The following SGCD variants were observed in gnomAD, a reference collection of about 807,000 sequenced individuals.
The protein encoded by SGCD is sarcoglycan delta, also known as delta-sarcoglycan.
Under a neutral mutation model 36.6 loss-of-function variants are expected in SGCD, and 18 were observed. The observed-to-expected ratio is 0.49, with a 90% CI of 0.34 to 0.73. The LOEUF is 0.73. Among genes scored for constraint, SGCD ranks in the 30% least tolerant of loss-of-function variants. SGCD has a pLI of 0.01. For synonymous variants in SGCD, 133 were observed against 130.6 expected, an observed-to-expected ratio of 1.02 and a Z score of -0.12; for missense variants, 387 against 346.7, an observed-to-expected ratio of 1.12 and a Z score of -0.92.
At chr5:156,570,767 T>C (rs1036935106) in intron 4 of SGCD, among the ~76,000 whole-genome samples, 3 of 152,176 alleles carry the variant, frequency 2.0e-5, no homozygotes, top group Admixed American at 1.3e-4. Context: ...ATAGTATCCA[T>C]GAGTTATCTT....
chr5:156,362,710 T>C (rs945864978), intron 3 of SGCD, among the ~76,000 whole-genome samples: 1 of 152,132 alleles, frequency 6.6e-6, no homozygotes, highest in Non-Finnish European at 1.5e-5. Context: ...GTGGCTAGTC[T>C]CTGGGATGGA....
chr5:156,174,622 T>C (rs1010512106), intron 3 of SGCD, among the ~76,000 whole-genome samples: 3 of 152,190 alleles, frequency 2.0e-5, no homozygotes, highest in African/African-American at 7.2e-5. Context: ...CAAGAATTAT[T>C]TTCTATTAAT....
At chr5:156,071,196 T>G (rs910541330) in intron 1 of SGCD, among the ~76,000 whole-genome samples, 17 of 152,220 alleles carry the variant, frequency 1.1e-4, no homozygotes, top group Non-Finnish European at 2.1e-4. Context: ...TTGCTCTTGC[T>G]TTTCTAGTTC....
chr5:156,424,261 C>G (rs749180119), intron 3 of SGCD, among the ~76,000 whole-genome samples: 6 of 151,928 alleles, frequency 3.9e-5, no homozygotes, highest in Non-Finnish European at 7.4e-5. Flanking sequence ...TCTTCTTACT[C>G]TTTTTACTCT....
the SGCD span, among the ~76,000 whole-genome samples, chr5:155,750,700 G>GT: frequency 6.6e-6 from 1 of 152,186 alleles, no homozygotes; most frequent in East Asian, 1.9e-4. Context: ...TGTTTGAGCA[G>GT]TTAGGGATCT....
chr5:156,525,200 AG>A (rs1337908389), intron 4 of SGCD, among the ~76,000 whole-genome samples: 2 of 152,070 alleles, frequency 1.3e-5, no homozygotes, highest in East Asian at 1.9e-4. Flanking sequence ...CAATACAAAA[AG>A]GTCCTCTTTT....
At chr5:156,713,903 A>G (rs1755109502) in intron 7 of SGCD, among the ~76,000 whole-genome samples, 1 of 152,204 alleles carries the variant, frequency 6.6e-6, no homozygotes, top group Admixed American at 6.5e-5. Context: ...CAATCCAGTG[A>G]TTTCACCAGC....
the SGCD span, among the ~76,000 whole-genome samples, chr5:155,734,172 TTAA>T: frequency 2.2e-4 from 33 of 147,816 alleles, no homozygotes; most frequent in Admixed American, 7.5e-4. Flanking sequence ...ATTATATTAA[TTAA>T]TAATATTACT....
intron 1 of SGCD, among the ~76,000 whole-genome samples, chr5:155,963,721 C>A (rs1757839474): frequency 6.6e-6 from 1 of 152,040 alleles, no homozygotes; most frequent in Non-Finnish European, 1.5e-5. Flanking sequence ...CTTCAAAGAA[C>A]CCCAGTCTTC....
the SGCD span, among the ~76,000 whole-genome samples, chr5:155,731,834 A>T: frequency 5.9e-5 from 9 of 152,134 alleles, no homozygotes; most frequent in African/African-American, 2.2e-4. Flanking sequence ...TGAGTGCCCC[A>T]GTTGGTTCTA....
At chr5:156,555,435 T>C (rs1196751780) in intron 4 of SGCD, among the ~76,000 whole-genome samples, 2 of 152,168 alleles carry the variant, frequency 1.3e-5, no homozygotes, top group East Asian at 1.9e-4. Flanking sequence ...TTCTTTTACA[T>C]ATAGCTATTC....
At chr5:156,550,589 C>T (rs903691970) in intron 4 of SGCD, among the ~76,000 whole-genome samples, 12 of 152,160 alleles carry the variant, frequency 7.9e-5, no homozygotes, top group African/African-American at 2.2e-4. Context: ...CTGAAGTCAG[C>T]GAAGGGAGGT....
At chr5:155,944,743 G>C (rs6870438) in intron 1 of SGCD, among the ~76,000 whole-genome samples, 4,532 of 152,230 alleles carry the variant, frequency 0.03, 243 homozygotes, top group African/African-American at 0.1. Context: ...GACAAAAAAT[G>C]TGGTAAGTTT....
chr5:156,199,472 C>G (rs1051422923), intron 3 of SGCD, among the ~76,000 whole-genome samples: 12 of 152,110 alleles, frequency 7.9e-5, no homozygotes, highest in Non-Finnish European at 1.8e-4. Context: ...ACTTAAAAGG[C>G]AGGTTGCTGT....
intron 7 of SGCD, among the ~76,000 whole-genome samples, chr5:156,724,428 C>A (rs1755668221): frequency 6.6e-6 from 1 of 152,042 alleles, no homozygotes. Flanking sequence ...CACGGTGAAA[C>A]CCCGCCTCTA....
intron 4 of SGCD, among the ~76,000 whole-genome samples, chr5:156,558,124 T>TATATATATATATATATATA (rs56288003): frequency 2.3e-4 from 28 of 123,586 alleles, no homozygotes; most frequent in Non-Finnish European, 3.1e-4. Context: ...TATATATATA[T>TATATATATATATATATATA]TATTTAACTC....
At chr5:156,027,378 G>A (rs1759245670) in intron 1 of SGCD, among the ~76,000 whole-genome samples, 1 of 152,162 alleles carries the variant, frequency 6.6e-6, no homozygotes, top group Admixed American at 6.5e-5. Context: ...AATTGGAAGG[G>A]ATTTCTGAGG....
At chr5:156,530,295 G>A (rs1247233743) in intron 4 of SGCD, among the ~76,000 whole-genome samples, 1 of 152,136 alleles carries the variant, frequency 6.6e-6, no homozygotes, top group African/African-American at 2.4e-5. Flanking sequence ...AATAAGAGAG[G>A]AATATTTATG....
the SGCD span, among the ~76,000 whole-genome samples, chr5:155,760,082 C>T: frequency 8.5e-5 from 13 of 152,112 alleles, no homozygotes; most frequent in Admixed American, 6.6e-4. Flanking sequence ...TCTCCATCAC[C>T]CTCTGCATCA....
Sources: allele counts gnomAD v4.1 joint callset (sites outside exome capture counted in the v4.1 genomes callset), GRCh38; gene constraint gnomAD v4.1.1; transcripts MANE v1.5; gene names NCBI Gene and HGNC (gene_info 2026-07-23, HGNC 2026-07-21).